Variants in PTPRD observed in about 807,000 individuals in gnomAD.
PTPRD encodes the protein protein tyrosine phosphatase receptor type D, also known as receptor-type tyrosine-protein phosphatase delta.
In PTPRD, 34 loss-of-function variants were observed where a neutral mutation model predicts 214.5. That is an observed-to-expected ratio of 0.16 (90% CI 0.12 to 0.21). The LOEUF (loss-of-function observed/expected upper bound fraction) is 0.21. PTPRD is among the 10% of genes least tolerant of loss of function. The probability of loss-of-function intolerance (pLI) is 1.00; values close to 1 mark genes in which losing one functional copy is unlikely to be tolerated. For missense variants in PTPRD, 2,545 were observed against 2,398.7 expected, an observed-to-expected ratio of 1.06 and a Z score of -1.27; for synonymous variants, 1,128 against 845.7, an observed-to-expected ratio of 1.33 and a Z score of -5.79.
intron 12 of PTPRD, among the ~76,000 whole-genome samples, chr9:8,678,858 G>A (rs192728504): frequency 2.4e-4 from 37 of 152,334 alleles, no homozygotes; most frequent in African/African-American, 8.7e-4. Flanking sequence ...TGGATTAAAA[G>A]TAGGGTCCAG....
At chr9:8,966,581 C>T (rs1045009279) in intron 11 of PTPRD, among the ~76,000 whole-genome samples, 3 of 151,914 alleles carry the variant, frequency 2.0e-5, no homozygotes, top group African/African-American at 7.3e-5. Context: ...AACTAGACCC[C>T]TATATACTAT....
chr9:9,568,686 A>G (rs1286045005), intron 8 of PTPRD, among the ~76,000 whole-genome samples: 1 of 151,906 alleles, frequency 6.6e-6, no homozygotes, highest in Admixed American at 6.6e-5. Context: ...ATCAGATGCT[A>G]TGTCCCTTCA....
chr9:10,060,893 CTTCCTTCTTTCTTTCT>C (rs1211543996), intron 3 of PTPRD, among the ~76,000 whole-genome samples: 1,048 of 79,090 alleles, frequency 0.013, 48 homozygotes, highest in African/African-American at 0.084. Context: ...TCCTTCCTTC[CTTCCTTCTTTCTTTCT>C]TTCTTTCTTT....
intron 11 of PTPRD, among the ~76,000 whole-genome samples, chr9:8,820,421 A>G (rs1229065362): frequency 6.6e-6 from 1 of 152,146 alleles, no homozygotes; most frequent in East Asian, 1.9e-4. Flanking sequence ...ATATTTAAAT[A>G]TACAGAATAT....
intron 27 of PTPRD, among the ~76,000 whole-genome samples, chr9:8,490,557 T>C (rs774068511): frequency 1.3e-5 from 2 of 152,204 alleles, no homozygotes; most frequent in Non-Finnish European, 2.9e-5. Context: ...CATGTAAAAA[T>C]ATACAGAAAA....
intron 12 of PTPRD, among the ~76,000 whole-genome samples, chr9:8,664,990 A>G (rs1383408768): frequency 2.0e-5 from 3 of 152,198 alleles, no homozygotes; most frequent in Non-Finnish European, 4.4e-5. Context: ...AATGCAAAAT[A>G]CTTCATGCTT....
chr9:8,494,063 T>A (rs1049910269), intron 26 of PTPRD, among the ~76,000 whole-genome samples: 1 of 151,606 alleles, frequency 6.6e-6, no homozygotes, highest in Non-Finnish European at 1.5e-5. Context: ...CCCTTTCAGA[T>A]TTTTGGCACA....
At chr9:8,693,439 T>C (rs1249694897) in intron 12 of PTPRD, among the ~76,000 whole-genome samples, 2 of 152,240 alleles carry the variant, frequency 1.3e-5, no homozygotes, top group Non-Finnish European at 2.9e-5. Context: ...TAGCAACTCA[T>C]GGCCAAATAT....
intron 3 of PTPRD, among the ~76,000 whole-genome samples, chr9:10,085,906 G>A (rs1373773378): frequency 6.6e-6 from 1 of 151,766 alleles, no homozygotes; most frequent in Non-Finnish European, 1.5e-5. Context: ...CCTACTCTAT[G>A]AAAGTCTCTG....
intron 10 of PTPRD, among the ~76,000 whole-genome samples, chr9:9,164,052 T>C (rs778798479): frequency 6.6e-5 from 10 of 152,158 alleles, no homozygotes; most frequent in Admixed American, 5.9e-4. Flanking sequence ...CCTATCATGC[T>C]TTATTATTAT....
chr9:8,884,297 A>T (rs941357566), intron 11 of PTPRD, among the ~76,000 whole-genome samples: 1 of 152,210 alleles, frequency 6.6e-6, no homozygotes, highest in African/African-American at 2.4e-5. Context: ...ACAGAGAAGG[A>T]AAAGGATGAT....
At chr9:8,321,256 G>C (rs1827150316) in intron 44 of PTPRD, among the ~76,000 whole-genome samples, 1 of 151,544 alleles carries the variant, frequency 6.6e-6, no homozygotes, top group Non-Finnish European at 1.5e-5. Context: ...TACCTTGCCA[G>C]AGTCTATCTT....
chr9:8,377,956 A>G (rs2083762743), intron 37 of PTPRD, among the ~76,000 whole-genome samples: 1 of 152,102 alleles, frequency 6.6e-6, no homozygotes, highest in African/African-American at 2.4e-5. Context: ...CTTCTAAGAA[A>G]GGGAGAAGTT....
chr9:10,014,189 G>A (rs1037285611), intron 4 of PTPRD, among the ~76,000 whole-genome samples: 1 of 151,910 alleles, frequency 6.6e-6, no homozygotes, highest in African/African-American at 2.4e-5. Context: ...ACATCAATCA[G>A]TAATGATAAT....
intron 8 of PTPRD, among the ~76,000 whole-genome samples, chr9:9,557,925 G>C (rs933013051): frequency 6.6e-6 from 1 of 152,144 alleles, no homozygotes; most frequent in Admixed American, 6.5e-5. Flanking sequence ...ACTTAAACTA[G>C]CTTTCTCATT....
At chr9:8,647,001 C>T (rs2096708506) in intron 12 of PTPRD, among the ~76,000 whole-genome samples, 1 of 152,170 alleles carries the variant, frequency 6.6e-6, no homozygotes. Context: ...CTATGGAATA[C>T]AAAGTCTATG....
chr9:10,247,504 C>A (rs1034965353), intron 3 of PTPRD, among the ~76,000 whole-genome samples: 1 of 152,116 alleles, frequency 6.6e-6, no homozygotes, highest in Non-Finnish European at 1.5e-5. Context: ...ACACACATTA[C>A]CATATTCTCT....
chr9:9,000,142 A>C (rs983243835), intron 11 of PTPRD, among the ~76,000 whole-genome samples: 2 of 152,062 alleles, frequency 1.3e-5, no homozygotes. Flanking sequence ...GAAAGTATAG[A>C]TAATTTCATT....
intron 2 of PTPRD, among the ~76,000 whole-genome samples, chr9:10,603,043 A>G (rs2133430580): frequency 6.6e-6 from 1 of 151,896 alleles, no homozygotes; most frequent in African/African-American, 2.4e-5. Flanking sequence ...ATCAAGTACA[A>G]CAAGGTGTTT....
Sources: allele counts gnomAD v4.1 joint callset (sites outside exome capture counted in the v4.1 genomes callset), GRCh38; gene constraint gnomAD v4.1.1; transcripts MANE v1.5; gene names NCBI Gene and HGNC (gene_info 2026-07-23, HGNC 2026-07-21).